ADAM29: variants seen among roughly 807,000 people sequenced by gnomAD.
ADAM29 encodes disintegrin and metalloproteinase domain-containing protein 29.
For missense variants in ADAM29, 969 were observed against 1,001.8 expected (o/e 0.97, Z 0.44); for synonymous variants, 367 against 342.3 (o/e 1.07, Z -0.80).
intron 4 of ADAM29, among the ~76,000 whole-genome samples, chr4:174,956,555 A>G (rs1446796335): frequency 6.6e-6 from 1 of 151,682 alleles, no homozygotes; most frequent in Non-Finnish European, 1.5e-5. Flanking sequence ...AATAAGAGCT[A>G]TAGAATCACT....
intron 4 of ADAM29, among the ~76,000 whole-genome samples, chr4:174,937,739 C>T: frequency 6.6e-6 from 1 of 151,932 alleles, no homozygotes; most frequent in South Asian, 2.1e-4. Flanking sequence ...ATTTTCTGAG[C>T]CTCGGATTGA....
intron 4 of ADAM29, among the ~76,000 whole-genome samples, chr4:174,965,516 TATCTATCATCTATC>T (rs1318109491): frequency 6.7e-6 from 1 of 149,932 alleles, no homozygotes; most frequent in African/African-American, 2.5e-5. Context: ...TCTATCTATC[TATCTATCATCTATC>T]ATCTATTTAC....
chr4:174,930,485 T>A (rs1256767738), intron 2 of ADAM29, among the ~76,000 whole-genome samples: 1 of 152,162 alleles, frequency 6.6e-6, no homozygotes, highest in Non-Finnish European at 1.5e-5. Flanking sequence ...AATAATAATT[T>A]ATAAAGCAAA....
At chr4:174,958,368 T>C (rs1745626321) in intron 4 of ADAM29, among the ~76,000 whole-genome samples, 1 of 151,828 alleles carries the variant, frequency 6.6e-6, no homozygotes, top group African/African-American at 2.4e-5. Flanking sequence ...GTTGTGTTCT[T>C]CTTGGAGAAT....
intron 4 of ADAM29, among the ~76,000 whole-genome samples, chr4:174,956,772 C>T (rs1426425267): frequency 6.6e-6 from 1 of 151,778 alleles, no homozygotes; most frequent in Non-Finnish European, 1.5e-5. Context: ...GGTAATTAGC[C>T]TAGGATATCA....
At chr4:174,971,801 C>A (rs1380563373) in intron 4 of ADAM29, among the ~76,000 whole-genome samples, 1 of 152,116 alleles carries the variant, frequency 6.6e-6, no homozygotes, top group African/African-American at 2.4e-5. Flanking sequence ...CTGGCCCCTT[C>A]TCTCTTCTCC....
Position 174,920,007 on chromosome 4 carries a change from T to A in ADAM29, c.-556-680T>A, listed in dbSNP as rs574612760. On this transcript the variant is annotated intron_variant, in intron 1 of 4. Coordinates refer to ENST00000359240, the MANE Select transcript of ADAM29 (RefSeq NM_014269.4). The stretch of plus-strand genomic sequence containing the variant: ...AAATCTTTGTTAATCAAATCTCTTA[T>A]CTGAGAATTTATGCATATATAGGCA... Among the ~76,000 whole-genome samples, 3 of 152,332 alleles carry A rather than the reference T, an allele frequency of 2.0e-5. No individual in the cohort carries two copies. The East Asian group carries it at 5.8e-4, about 29-fold the overall frequency.
intron 4 of ADAM29, among the ~76,000 whole-genome samples, chr4:174,960,368 T>C (rs151166018): frequency 6.6e-6 from 1 of 152,154 alleles, no homozygotes; most frequent in Non-Finnish European, 1.5e-5. Flanking sequence ...AAATTTTAAG[T>C]ATCATATCTT....
intron 1 of ADAM29, 90 bp downstream of exon 1, chr4:174,918,561 TG>T (rs888230783): frequency 6.6e-6 from 1 of 152,182 alleles, no homozygotes; most frequent in African/African-American, 2.4e-5. Context: ...TAGATTAAAC[TG>T]ATTTTGTAAT....
chr4:174,925,591 G>A (rs1274813540), intron 2 of ADAM29, among the ~76,000 whole-genome samples: 1 of 152,134 alleles, frequency 6.6e-6, no homozygotes, highest in African/African-American at 2.4e-5. Context: ...TTTCAGAACC[G>A]TCCAATTCAA....
At chr4:174,957,037 A>G (rs970646396) in intron 4 of ADAM29, among the ~76,000 whole-genome samples, 6 of 151,874 alleles carry the variant, frequency 4.0e-5, no homozygotes, top group African/African-American at 1.4e-4. Flanking sequence ...ATAATACTTA[A>G]GCCATTTTCT....
intron 4 of ADAM29, among the ~76,000 whole-genome samples, chr4:174,946,570 T>C (rs928434411): frequency 6.6e-6 from 1 of 152,180 alleles, no homozygotes; most frequent in East Asian, 1.9e-4. Context: ...CCTTGTCTTT[T>C]TCTCATTTTC....
chr4:174,927,172 A>T (rs961514403), intron 2 of ADAM29, among the ~76,000 whole-genome samples: 1 of 152,238 alleles, frequency 6.6e-6, no homozygotes, highest in African/African-American at 2.4e-5. Context: ...GAAATAGTAC[A>T]GCCCATTTGA....
Position 174,975,735 on chromosome 4 carries a change from G to A in ADAM29, c.210G>A (p.Lys70=), listed in dbSNP as rs1746734129. 6.2e-7 allele frequency: 1 copy of A among 1,612,688 alleles called. No homozygotes were observed. The highest frequency in any genetic ancestry group is 8.5e-7 in the Non-Finnish European group (1 of 1,179,474). The change falls in exon 5 of 5, where the codon AAG becomes AAA. Residue 70 remains lysine (K), a synonymous_variant. Transcript: ENST00000359240. The part of the protein sequence containing the change: ...GQKHIIHIKV[K]KLLFSKHLPV... ...AACACATTATCCACATAAAGGTCAA[G>A]AAGCTTTTGTTTTCCAAACACCTCC...
intron 4 of ADAM29, among the ~76,000 whole-genome samples, chr4:174,967,250 T>C (rs1746206406): frequency 6.6e-6 from 1 of 152,208 alleles, no homozygotes; most frequent in African/African-American, 2.4e-5. Context: ...AACATTCTAA[T>C]TAAATGTATA....
At chr4:174,943,173 T>C (rs1744644759) in intron 4 of ADAM29, among the ~76,000 whole-genome samples, 1 of 152,214 alleles carries the variant, frequency 6.6e-6, no homozygotes, top group Non-Finnish European at 1.5e-5. Context: ...ATTAGCATGT[T>C]GATCAAACGC....
chr4:174,978,080 A>C lies in ADAM29; in HGVS notation c.*92A>C, dbSNP rs1747020947. ...GTGACACCCTCCCAGAGTCAACCTC[A>C]TGTGACACCTTACCGGAGTAAAAGT... On this transcript the variant is annotated 3_prime_UTR_variant, in exon 5 of 5. Transcript: ENST00000359240. 6 of 1,558,712 alleles carry C rather than the reference A, an allele frequency of 3.8e-6. No homozygotes were observed. Among genetic ancestry groups the C allele is most frequent in the Non-Finnish European group, 4.4e-6 (5 of 1,145,526 alleles).
At position 174,925,590 on chromosome 4, in the gene ADAM29, C is replaced by T. The variant is rs188685296; in HGVS notation, c.-451+4798C>T. Among the ~76,000 whole-genome samples the T allele has an allele frequency of 3.2e-4, 48 of 152,172 alleles. No individual in the cohort carries two copies. The East Asian group carries it at 7.5e-3, about 24-fold the overall frequency. ...ACTATGCAGTTTTCCCTTTCAGAACCGTCCAATTCAAATGTTCTCTGACAG... is the reference window on the plus strand; with the variant it reads ...ACTATGCAGTTTTCCCTTTCAGAACTGTCCAATTCAAATGTTCTCTGACAG... On this transcript the variant is annotated intron_variant, in intron 2 of 4. Coordinates refer to ENST00000359240, the MANE Select transcript of ADAM29 (RefSeq NM_014269.4).
intron 2 of ADAM29, among the ~76,000 whole-genome samples, chr4:174,924,253 G>A (rs1258843291): frequency 6.6e-6 from 1 of 152,118 alleles, no homozygotes; most frequent in Non-Finnish European, 1.5e-5. Context: ...CAAAACATTT[G>A]TCTTTAGGAA....
Sources: allele counts gnomAD v4.1 joint callset (sites outside exome capture counted in the v4.1 genomes callset), GRCh38; gene constraint gnomAD v4.1.1; transcripts MANE v1.5; gene names NCBI Gene and HGNC (gene_info 2026-07-23, HGNC 2026-07-21).